Variants in RNF13 observed in about 807,000 individuals in gnomAD.
The protein encoded by RNF13 is ring finger protein 13.
RNF13 carries 19 observed loss-of-function variants against 37.7 expected under a neutral mutation model. The ratio of observed to expected loss-of-function variants is 0.50; its 90% confidence interval spans 0.35 to 0.74. The LOEUF is 0.74. Among genes scored for constraint, RNF13 ranks in the 30% least tolerant of loss-of-function variants. The probability of loss-of-function intolerance (pLI) is 0.01; values close to 1 mark genes in which losing one functional copy is unlikely to be tolerated. For synonymous variants in RNF13, 144 were observed against 157.8 expected (o/e 0.91, Z 0.65); for missense variants, 375 against 453.0 (o/e 0.83, Z 1.56).
At chr3:149,889,742 A>C (rs1397139785) in intron 4 of RNF13, among the ~76,000 whole-genome samples, 1 of 138,580 alleles carries the variant, frequency 7.2e-6, no homozygotes, top group Admixed American at 7.5e-5. Flanking sequence ...GCAACCTCTG[A>C]CTTCCGGGTT....
chr3:149,897,555 GA>G (rs769952786), intron 5 of RNF13, among the ~76,000 whole-genome samples: 5 of 152,172 alleles, frequency 3.3e-5, no homozygotes, highest in Non-Finnish European at 7.3e-5. Context: ...TGTTTCAACT[GA>G]GTTGTTGTTC....
At chr3:149,888,629 T>C (rs1459822773) in intron 4 of RNF13, among the ~76,000 whole-genome samples, 5 of 152,216 alleles carry the variant, frequency 3.3e-5, no homozygotes, top group African/African-American at 4.8e-5. Flanking sequence ...AAGTAAATAA[T>C]GTTCTAGTTC....
At chr3:149,853,175 G>T (rs1283862276) in intron 3 of RNF13, among the ~76,000 whole-genome samples, 1 of 152,034 alleles carries the variant, frequency 6.6e-6, no homozygotes, top group Non-Finnish European at 1.5e-5. Flanking sequence ...GTGCTACAAT[G>T]AATGTTTTTG....
chr3:149,866,923 G>C (rs10935781), intron 3 of RNF13, among the ~76,000 whole-genome samples: 50,516 of 152,010 alleles, frequency 0.33, 10,108 homozygotes, highest in East Asian at 0.63. Context: ...GAATTTTTCA[G>C]ACTTGTTTTG....
At chr3:149,920,138 G>A (rs990821556) in intron 7 of RNF13, among the ~76,000 whole-genome samples, 1 of 151,884 alleles carries the variant, frequency 6.6e-6, no homozygotes, top group East Asian at 1.9e-4. Context: ...ATATATTCTG[G>A]ATACAAATCC....
intron 3 of RNF13, among the ~76,000 whole-genome samples, chr3:149,861,256 C>T (rs1290173122): frequency 2.6e-5 from 4 of 151,532 alleles, no homozygotes; most frequent in African/African-American, 7.3e-5. Context: ...ATAGCACTAC[C>T]ATAGGACCCA....
chr3:149,906,645 CTT>C (rs35801459), intron 6 of RNF13, among the ~76,000 whole-genome samples: 27 of 79,154 alleles, frequency 3.4e-4, no homozygotes, highest in African/African-American at 1.1e-3. Context: ...TTCAATTCTG[CTT>C]TTTTTTTTTT....
chr3:149,903,552 C>T (rs188773963), intron 6 of RNF13, among the ~76,000 whole-genome samples: 6 of 152,170 alleles, frequency 3.9e-5, no homozygotes, highest in Admixed American at 1.3e-4. Context: ...ATCACATGCT[C>T]ATAAAATGGA....
At chr3:149,848,687 T>G (rs485532) in intron 2 of RNF13, among the ~76,000 whole-genome samples, 1 of 152,196 alleles carries the variant, frequency 6.6e-6, no homozygotes, top group East Asian at 1.9e-4. Context: ...TAATGCCAGA[T>G]GCCTTTGATT....
chr3:149,898,588 A>G (rs1178848659), intron 5 of RNF13, among the ~76,000 whole-genome samples: 2 of 152,192 alleles, frequency 1.3e-5, no homozygotes, highest in Admixed American at 6.5e-5. Context: ...TAGGATAATA[A>G]TAGTACCTAA....
At position 149,917,607 on chromosome 3, in the gene RNF13, G is replaced by C. The variant is rs1717675216; in HGVS notation, c.607-3527G>C. On this transcript the variant is annotated intron_variant, in intron 7 of 9. Transcript: ENST00000392894. Reference sequence around the variant, plus strand: ...AGATATTCATTATGATTTGTTCTGTGACTTATGAATTACTTCAGTACAGTT... The same window carrying C: ...AGATATTCATTATGATTTGTTCTGTCACTTATGAATTACTTCAGTACAGTT... 3.3e-5 allele frequency among the ~76,000 whole-genome samples: 5 copies of C among 152,098 alleles called. No individual in the cohort carries two copies. In the South Asian group the frequency reaches 1.0e-3, roughly 32 times the overall value.
chr3:149,837,350 C>T (rs1489832936), intron 1 of RNF13, among the ~76,000 whole-genome samples: 2 of 152,102 alleles, frequency 1.3e-5, no homozygotes, highest in Non-Finnish European at 2.9e-5. Flanking sequence ...TGACAGATAT[C>T]ATGACATTTC....
intron 8 of RNF13, among the ~76,000 whole-genome samples, chr3:149,928,028 G>C (rs1213306261): frequency 1.3e-5 from 1 of 75,434 alleles, no homozygotes; most frequent in Non-Finnish European, 2.5e-5. Flanking sequence ...TTTTTTGCTT[G>C]TGAAGGAAAT....
chr3:149,958,168 A>G (rs1157285871), intron 8 of RNF13, among the ~76,000 whole-genome samples: 3 of 152,250 alleles, frequency 2.0e-5, no homozygotes, highest in Non-Finnish European at 4.4e-5. Context: ...TTTGATAACA[A>G]ATCAACAAAA....
intron 1 of RNF13, among the ~76,000 whole-genome samples, chr3:149,818,642 G>C (rs1719708489): frequency 6.6e-6 from 1 of 152,210 alleles, no homozygotes; most frequent in African/African-American, 2.4e-5. Context: ...GCTGGGCACT[G>C]TGGCTCATGT....
Position 149,845,998 on chromosome 3 carries a change from C to T in RNF13, c.-16-13C>T. 4 of 1,452,300 alleles carry T rather than the reference C, an allele frequency of 2.8e-6. No homozygotes were observed. Among genetic ancestry groups the T allele is most frequent in the Non-Finnish European group, 3.9e-6 (4 of 1,037,218 alleles). The allele number at this position is 1,452,300 out of a possible 1,614,324, so 90.0% of individuals were successfully genotyped here. A position where few individuals can be genotyped will look rare whatever the true frequency, so the allele number is the denominator to read the frequency against. On this transcript the variant is annotated splice_polypyrimidine_tract_variant and intron_variant, in intron 1 of 9. Coordinates refer to ENST00000392894, the MANE Select transcript of RNF13 (RefSeq NM_183381.3). Reference sequence around the variant, plus strand: ...AGCACCAGCTCTCAGTTACTCACATCCTTGTCTTCCAGGTGATTTTACAAC... The same window carrying T: ...AGCACCAGCTCTCAGTTACTCACATTCTTGTCTTCCAGGTGATTTTACAAC...
chr3:149,843,551 A>G (rs1205642834), intron 1 of RNF13, among the ~76,000 whole-genome samples: 1 of 152,212 alleles, frequency 6.6e-6, no homozygotes, highest in Non-Finnish European at 1.5e-5. Flanking sequence ...GCTACATGTC[A>G]TTGAATACAC....
intron 2 of RNF13, among the ~76,000 whole-genome samples, chr3:149,850,415 G>C (rs1185945745): frequency 1.3e-5 from 2 of 152,290 alleles, no homozygotes; most frequent in Admixed American, 1.3e-4. Flanking sequence ...TAAACAATAT[G>C]ATTTTAAGAG....
intron 3 of RNF13, among the ~76,000 whole-genome samples, chr3:149,862,932 T>C (rs1724417595): frequency 6.6e-6 from 1 of 152,226 alleles, no homozygotes; most frequent in Non-Finnish European, 1.5e-5. Flanking sequence ...AATAATTCAT[T>C]ATATTTTACA....
Sources: gnomAD v4.1 joint callset for allele counts (sites outside exome capture counted in the v4.1 genomes callset) on GRCh38, gnomAD v4.1.1 for gene constraint, MANE v1.5 for transcripts, NCBI Gene and HGNC (gene_info 2026-07-23, HGNC 2026-07-21) for gene names.